Variants in ACER3 observed in about 807,000 individuals in gnomAD.
The protein encoded by ACER3 is alkaline ceramidase 3.
In ACER3, 16 loss-of-function variants were observed where a neutral mutation model predicts 48.9. The ratio of observed to expected loss-of-function variants is 0.33; its 90% confidence interval spans 0.22 to 0.50. The LOEUF (loss-of-function observed/expected upper bound fraction) is 0.50, where lower values mean the gene tolerates loss of function less well. Ranked by LOEUF, ACER3 falls within the 20% of genes least tolerant of loss-of-function variation. The pLI is 0.98. For missense variants in ACER3, 227 were observed against 326.0 expected, an observed-to-expected ratio of 0.70 and a Z score of 2.34; for synonymous variants, 109 against 107.8, an observed-to-expected ratio of 1.01 and a Z score of -0.07.
At chr11:76,973,090 G>T (rs1948350348) in intron 3 of ACER3, among the ~76,000 whole-genome samples, 1 of 152,214 alleles carries the variant, frequency 6.6e-6, no homozygotes, top group Admixed American at 6.5e-5. Context: ...CTATAAGTGA[G>T]GCCAGGCCCA....
At chr11:76,917,970 T>C (rs1410261763) in intron 1 of ACER3, among the ~76,000 whole-genome samples, 1 of 152,130 alleles carries the variant, frequency 6.6e-6, no homozygotes, top group African/African-American at 2.4e-5. Context: ...AGCTTAAGTG[T>C]TATCTTCTTA....
At chr11:76,871,493 G>A (rs1945239014) in intron 1 of ACER3, among the ~76,000 whole-genome samples, 1 of 152,184 alleles carries the variant, frequency 6.6e-6, no homozygotes, top group African/African-American at 2.4e-5. Flanking sequence ...ACAGGTCATA[G>A]GTGGATTTAA....
At chr11:76,989,611 C>T (rs1591037903) in intron 5 of ACER3, among the ~76,000 whole-genome samples, 1 of 152,094 alleles carries the variant, frequency 6.6e-6, no homozygotes, top group Non-Finnish European at 1.5e-5. Flanking sequence ...AATACAGAAG[C>T]GTGAAACTAG....
chr11:76,896,563 T>G (rs923383351), intron 1 of ACER3, among the ~76,000 whole-genome samples: 1 of 151,898 alleles, frequency 6.6e-6, no homozygotes, highest in African/African-American at 2.4e-5. Flanking sequence ...TAAGTAGAAA[T>G]CTTTGAAACA....
At chr11:76,956,852 T>C (rs931640609) in intron 2 of ACER3, among the ~76,000 whole-genome samples, 3 of 152,176 alleles carry the variant, frequency 2.0e-5, no homozygotes, top group Non-Finnish European at 4.4e-5. Context: ...TCTAATGAGA[T>C]GAGTGCAATA....
chr11:76,996,338 C>T (rs915965828), intron 6 of ACER3, among the ~76,000 whole-genome samples: 1 of 152,108 alleles, frequency 6.6e-6, no homozygotes, highest in East Asian at 1.9e-4. Context: ...ACAACAGGGA[C>T]ATCTTTCTAA....
At chr11:76,912,896 G>A (rs1946420746) in intron 1 of ACER3, among the ~76,000 whole-genome samples, 1 of 152,088 alleles carries the variant, frequency 6.6e-6, no homozygotes, top group South Asian at 2.1e-4. Context: ...CTCCTCAGAA[G>A]AAAGAATTCG....
chr11:76,954,596 T>G (rs1211564062), intron 2 of ACER3, among the ~76,000 whole-genome samples: 1 of 120,108 alleles, frequency 8.3e-6, no homozygotes, highest in African/African-American at 3.1e-5. Context: ...GGTTGGTTTT[T>G]TTTTTTGTTT....
chr11:76,891,249 TATATATATA>T (rs200948854), intron 1 of ACER3, among the ~76,000 whole-genome samples: 36 of 33,038 alleles, frequency 1.1e-3, no homozygotes, highest in South Asian at 4.4e-3. Context: ...ATATATATAA[TATATATATA>T]ATATATATAT....
chr11:76,974,103 C>G (rs1003610847), intron 3 of ACER3, among the ~76,000 whole-genome samples: 1 of 152,236 alleles, frequency 6.6e-6, no homozygotes, highest in Non-Finnish European at 1.5e-5. Context: ...GCTATTACCA[C>G]ATAGCCTTAA....
At chr11:76,882,226 C>T (rs929301580) in intron 1 of ACER3, among the ~76,000 whole-genome samples, 9 of 143,966 alleles carry the variant, frequency 6.3e-5, no homozygotes, top group African/African-American at 2.4e-4. Flanking sequence ...AGGATGGTCT[C>T]GATCTCCTGA....
At chr11:77,012,325 G>A (rs1204215188) in intron 7 of ACER3, among the ~76,000 whole-genome samples, 2 of 150,510 alleles carry the variant, frequency 1.3e-5, no homozygotes, top group African/African-American at 4.9e-5. Flanking sequence ...GGCTGAGGCA[G>A]GAGAATCACT....
intron 2 of ACER3, among the ~76,000 whole-genome samples, chr11:76,930,858 A>G (rs900803755): frequency 1.3e-5 from 2 of 152,006 alleles, no homozygotes; most frequent in African/African-American, 2.4e-5. Context: ...GTTCTTTTAC[A>G]TTTGCTGAGG....
chr11:76,976,086 T>C (rs1435539782), intron 3 of ACER3, among the ~76,000 whole-genome samples: 2 of 152,072 alleles, frequency 1.3e-5, no homozygotes, highest in Admixed American at 6.6e-5. Context: ...AGGATATTAC[T>C]GTGTTACTCA....
intron 1 of ACER3, among the ~76,000 whole-genome samples, chr11:76,875,201 C>T (rs1288460136): frequency 2.0e-5 from 3 of 147,848 alleles, no homozygotes; most frequent in Non-Finnish European, 1.5e-5. Flanking sequence ...GCAACCTCCA[C>T]CTCCTGGGTT....
rs145474739 is a variant in ACER3 at position 76,948,556 on chromosome 11, G to C, written c.215-10423G>C. Among the ~76,000 whole-genome samples, 20 of 152,200 alleles carry C rather than the reference G, an allele frequency of 1.3e-4. 1 individual carries two copies. Among genetic ancestry groups the C allele is most frequent in the African/African-American group, 4.6e-4 (19 of 41,550 alleles). On this transcript the variant is annotated intron_variant, in intron 2 of 10. Transcript: ENST00000532485. The stretch of plus-strand genomic sequence containing the variant: ...AGCCATGCATGCCCTGGAAGTCATA[G>C]TTGGCATTATTTTGATAGTACTAAT...
intron 1 of ACER3, among the ~76,000 whole-genome samples, chr11:76,901,270 T>TAAAA (rs35531620): frequency 6.8e-6 from 1 of 146,092 alleles, no homozygotes. Flanking sequence ...GTCCAACATT[T>TAAAA]AAAAAAAAAA....
chr11:76,931,680 G>A (rs1226290676), intron 2 of ACER3, among the ~76,000 whole-genome samples: 1 of 152,010 alleles, frequency 6.6e-6, no homozygotes, highest in African/African-American at 2.4e-5. Context: ...AAATCTCTCA[G>A]CATTTGCTTG....
Position 77,024,300 on chromosome 11 carries a change from A to AAAAAAAAAAAACAAC in ACER3, c.*3974_*3975insAAAAAAAAAACAACA, listed in dbSNP as rs1949519435. On this transcript the variant is annotated 3_prime_UTR_variant, in exon 11 of 11. Transcript: ENST00000532485. ...AAAAAAAAAAAAAAAAAAAAAAAAA[A>AAAAAAAAAAAACAAC]AGAATTAGGAAATACTTGTTAAAAT... 1 of 141,338 alleles carries AAAAAAAAAAAACAAC rather than the reference A, an allele frequency of 7.1e-6. No individual in the cohort carries two copies. Among genetic ancestry groups the AAAAAAAAAAAACAAC allele is most frequent in the Non-Finnish European group, 1.5e-5 (1 of 66,172 alleles). The allele number at this position is 141,338 out of a possible 1,614,324, so 8.8% of individuals were successfully genotyped here.
Sources: gnomAD v4.1 joint callset for allele counts (sites outside exome capture counted in the v4.1 genomes callset) on GRCh38, gnomAD v4.1.1 for gene constraint, MANE v1.5 for transcripts, NCBI Gene and HGNC (gene_info 2026-07-23, HGNC 2026-07-21) for gene names.